The following ANO4 variants were observed in gnomAD, a reference collection of about 807,000 sequenced individuals.
ANO4 encodes the protein anoctamin 4, also known as anoctamin-4.
Under a neutral mutation model 141.9 loss-of-function variants are expected in ANO4, and 69 were observed. That is an observed-to-expected ratio of 0.49 (90% CI 0.40 to 0.59). The LOEUF (loss-of-function observed/expected upper bound fraction) is 0.59. Ranked by LOEUF, ANO4 falls within the 20% of genes least tolerant of loss-of-function variation. ANO4 has a pLI of 0.00. For synonymous variants in ANO4, 350 were observed against 394.3 expected (o/e 0.89, Z 1.33); for missense variants, 894 against 1,162.2 (o/e 0.77, Z 3.36).
At chr12:100,924,697 A>C (rs760366551) in intron 3 of ANO4, among the ~76,000 whole-genome samples, 3 of 152,086 alleles carry the variant, frequency 2.0e-5, no homozygotes, top group Non-Finnish European at 4.4e-5. Context: ...TAATTACTTC[A>C]CTTGATTTGA....
intron 9 of ANO4, among the ~76,000 whole-genome samples, chr12:101,036,653 TAGAAAC>T (rs768966207): frequency 2.6e-5 from 4 of 152,078 alleles, no homozygotes; most frequent in Admixed American, 6.6e-5. Context: ...GCCAAACTCT[TAGAAAC>T]AGAGAGTAGA....
intron 3 of ANO4, among the ~76,000 whole-genome samples, chr12:100,771,452 C>A (rs2033296102): frequency 6.6e-6 from 1 of 152,176 alleles, no homozygotes; most frequent in African/African-American, 2.4e-5. Flanking sequence ...ATAGTGTAAG[C>A]AAGCAGCTAA....
intron 1 of ANO4, among the ~76,000 whole-genome samples, chr12:100,829,437 T>A (rs2036527767): frequency 6.6e-6 from 1 of 152,090 alleles, no homozygotes. Flanking sequence ...TCCTTTCCAC[T>A]TTCATGTCAA....
rs1392354790 is a variant in ANO4 at position 101,043,707 on chromosome 12, C to G, written c.1251+72C>G. 4.5e-6 allele frequency: 5 copies of G among 1,100,656 alleles called. No homozygotes were observed. The East Asian group carries it at 1.2e-4, about 26-fold the overall frequency. The allele number at this position is 1,100,656 out of a possible 1,614,324, so 68.2% of individuals were successfully genotyped here. On this transcript the variant is annotated intron_variant, in intron 13 of 27. Transcript: ENST00000392977. ...CCTTCCTGAGGGATGGTGGGTAACT[C>G]TATTCTGTCATTTCCAGTCTTTGAT...
intron 1 of ANO4, among the ~76,000 whole-genome samples, chr12:100,875,838 TAGAG>T (rs2039274444): frequency 6.6e-6 from 1 of 151,774 alleles, no homozygotes; most frequent in Non-Finnish European, 1.5e-5. Flanking sequence ...AGCACTGAGG[TAGAG>T]AGGTCATTTT....
chr12:101,083,615 A>G lies in ANO4; in HGVS notation c.1396-63A>G, dbSNP rs563294892. The G allele has an allele frequency of 2.8e-4, 430 of 1,538,434 alleles. 3 individuals carry two copies. In the African/African-American group the frequency reaches 4.9e-3, roughly 17 times the overall value. ...CTGTTTTATGGTGGGGTAAAATGATATTTCTTTTTTTATTGTGTGAGCACC... is the reference window on the plus strand; with the variant it reads ...CTGTTTTATGGTGGGGTAAAATGATGTTTCTTTTTTTATTGTGTGAGCACC... On this transcript the variant is annotated intron_variant, in intron 15 of 27. Coordinates refer to ENST00000392977, the MANE Select transcript of ANO4 (RefSeq NM_001286615.2).
At chr12:100,742,817 T>G (rs1256524309) in intron 3 of ANO4, among the ~76,000 whole-genome samples, 4 of 152,208 alleles carry the variant, frequency 2.6e-5, no homozygotes, top group Non-Finnish European at 5.9e-5. Context: ...TATTCCATCA[T>G]TCTTTCCCTT....
intron 2 of ANO4, among the ~76,000 whole-genome samples, chr12:100,904,413 G>A (rs2040742813): frequency 6.6e-6 from 1 of 152,140 alleles, no homozygotes; most frequent in Non-Finnish European, 1.5e-5. Flanking sequence ...AAAAGTAGGG[G>A]AAGAGGGTAG....
At chr12:100,951,411 T>C (rs576932307) in intron 5 of ANO4, among the ~76,000 whole-genome samples, 1 of 152,298 alleles carries the variant, frequency 6.6e-6, no homozygotes, top group East Asian at 1.9e-4. Flanking sequence ...CTGTTCACAA[T>C]AGCAAAGACA....
At chr12:101,050,295 C>T (rs1225957700) in intron 14 of ANO4, among the ~76,000 whole-genome samples, 2 of 152,136 alleles carry the variant, frequency 1.3e-5, no homozygotes, top group African/African-American at 2.4e-5. Flanking sequence ...TCTCAAGCTT[C>T]GGGCTTCCAT....
intron 1 of ANO4, among the ~76,000 whole-genome samples, chr12:100,825,906 T>C (rs1466683109): frequency 6.6e-6 from 1 of 152,110 alleles, no homozygotes; most frequent in Non-Finnish European, 1.5e-5. Context: ...ATGTTAGCTA[T>C]TAATTTTTAA....
At chr12:100,923,945 G>A (rs2041753326) in intron 3 of ANO4, among the ~76,000 whole-genome samples, 1 of 152,074 alleles carries the variant, frequency 6.6e-6, no homozygotes, top group African/African-American at 2.4e-5. Context: ...CTTTTGAGAA[G>A]TGTCTGTTCA....
At chr12:100,765,379 C>CTTTCT (rs2033031212) in intron 3 of ANO4, among the ~76,000 whole-genome samples, 1 of 125,402 alleles carries the variant, frequency 8.0e-6, no homozygotes, top group African/African-American at 3.1e-5. Context: ...TTCTTTCTTT[C>CTTTCT]TTTTTTTTTT....
chr12:101,041,271 G>C (rs539170535), intron 11 of ANO4, among the ~76,000 whole-genome samples: 1 of 152,216 alleles, frequency 6.6e-6, no homozygotes, highest in Non-Finnish European at 1.5e-5. Flanking sequence ...AGTGTTCCAA[G>C]GGCATTGATG....
At chr12:101,011,163 C>A (rs886859553) in intron 8 of ANO4, among the ~76,000 whole-genome samples, 10 of 152,004 alleles carry the variant, frequency 6.6e-5, no homozygotes, top group African/African-American at 2.4e-4. Context: ...AGCTGCAGAA[C>A]CTATGCCAAA....
At chr12:100,934,670 A>G (rs1409259425) in intron 3 of ANO4, among the ~76,000 whole-genome samples, 1 of 152,100 alleles carries the variant, frequency 6.6e-6, no homozygotes, top group Non-Finnish European at 1.5e-5. Context: ...AAATCTATAA[A>G]TTACCTTGGG....
At chr12:100,743,329 T>A (rs1225288902) in intron 3 of ANO4, among the ~76,000 whole-genome samples, 1 of 151,432 alleles carries the variant, frequency 6.6e-6, no homozygotes, top group East Asian at 1.9e-4. Flanking sequence ...TATTATTAAA[T>A]TATTTCTTCA....
intron 2 of ANO4, among the ~76,000 whole-genome samples, chr12:100,737,398 C>T (rs1468260926): frequency 6.6e-6 from 1 of 152,226 alleles, no homozygotes; most frequent in East Asian, 1.9e-4. Context: ...CCTGCAGCTC[C>T]TTGACAGACT....
intron 1 of ANO4, among the ~76,000 whole-genome samples, chr12:100,809,461 C>T (rs1333784503): frequency 6.6e-6 from 1 of 151,862 alleles, no homozygotes; most frequent in Non-Finnish European, 1.5e-5. Flanking sequence ...GTGGGAGAGC[C>T]TCAAGCTGTC....
Sources: allele counts gnomAD v4.1 joint callset (sites outside exome capture counted in the v4.1 genomes callset), GRCh38; gene constraint gnomAD v4.1.1; transcripts MANE v1.5; gene names NCBI Gene and HGNC (gene_info 2026-07-23, HGNC 2026-07-21).